OXSR1: variants seen among roughly 807,000 people sequenced by gnomAD.
The protein encoded by OXSR1 is oxidative stress responsive kinase 1.
OXSR1 carries 24 observed loss-of-function variants against 79.8 expected under a neutral mutation model. The observed-to-expected ratio is 0.30, with a 90% CI of 0.22 to 0.42. OXSR1 has a LOEUF of 0.42. Among genes scored for constraint, OXSR1 ranks in the 10% least tolerant of loss-of-function variants. The pLI is 1.00. For synonymous variants in OXSR1, 226 were observed against 209.2 expected (o/e 1.08, Z -0.69); for missense variants, 430 against 618.4 (o/e 0.70, Z 3.23).
intron 10 of OXSR1, 38 bp downstream of exon 10, chr3:38,230,468 A>G (rs747716347): frequency 7.2e-7 from 1 of 1,396,324 alleles, no homozygotes; most frequent in Non-Finnish European, 1.0e-6. Context: ...TGAAGAATTT[A>G]CTTTATTTTT....
At chr3:38,245,948 A>T in intron 12 of OXSR1, 127 bp from the exon 13 acceptor site, 1 of 743,524 alleles carries the variant, frequency 1.3e-6, no homozygotes, top group African/African-American at 1.7e-5. Flanking sequence ...TTCGGAGTAG[A>T]CACAAAACCT....
intron 4 of OXSR1, among the ~76,000 whole-genome samples, chr3:38,213,821 T>C (rs1181683645): frequency 6.6e-6 from 1 of 152,246 alleles, no homozygotes; most frequent in Non-Finnish European, 1.5e-5. Context: ...AGATATTTTA[T>C]GTCAATATAA....
chr3:38,200,477 G>A (rs1199008340), intron 4 of OXSR1, among the ~76,000 whole-genome samples: 3 of 152,074 alleles, frequency 2.0e-5, no homozygotes, highest in African/African-American at 7.2e-5. Context: ...TCTCCTTTCA[G>A]AGTTCTTTTA....
chr3:38,243,505 T>C (rs1703077721), intron 12 of OXSR1, among the ~76,000 whole-genome samples: 1 of 152,202 alleles, frequency 6.6e-6, no homozygotes, highest in South Asian at 2.1e-4. Context: ...GGGCTGGTTT[T>C]CCCTATTCTC....
intron 14 of OXSR1, among the ~76,000 whole-genome samples, chr3:38,248,283 T>C (rs1703184798): frequency 6.6e-6 from 1 of 152,028 alleles, no homozygotes; most frequent in African/African-American, 2.4e-5. Context: ...TCCTGACAGA[T>C]TGCTCAGCAG....
In OXSR1 at chr3:38,237,388, T is replaced by C. The variant is rs950754524; in HGVS notation, c.1074+427T>C. On this transcript the variant is annotated intron_variant, in intron 11 of 17. Transcript: ENST00000311806. ...GATATCTGTCGTGCACACGTGTGTG[T>C]GTTTCCTAAAAACAGTGAAGACAAG... Among the ~76,000 whole-genome samples the C allele has an allele frequency of 2.0e-5, 3 of 152,320 alleles. No individual in the cohort carries two copies. The South Asian group carries it at 6.2e-4, about 32-fold the overall frequency.
chr3:38,201,693 G>C (rs955681910), intron 4 of OXSR1, among the ~76,000 whole-genome samples: 2 of 148,846 alleles, frequency 1.3e-5, no homozygotes, highest in Non-Finnish European at 3.0e-5. Flanking sequence ...TTAGGCGACA[G>C]AGCGAGAGTG....
At position 38,223,902 on chromosome 3, in the gene OXSR1, C is replaced by A; in HGVS notation, c.691C>A (p.Pro231Thr). The stretch of plus-strand genomic sequence containing the variant: ...AGGGGCGGCTCCTTATCATAAATAT[C>A]CACCAATGAAGGTGAGGCTTGTATT... The part of the protein sequence containing the change: ...ATGAAPYHKY[P>T]PMKVLMLTLQ... The change falls in exon 7 of 18, where the codon CCA (proline) becomes ACA (threonine). Residue 231 changes from proline to threonine, a missense_variant. Coordinates refer to ENST00000311806, the MANE Select transcript of OXSR1 (RefSeq NM_005109.3). 2 of 1,594,640 alleles carry A rather than the reference C, an allele frequency of 1.3e-6. No individual in the cohort carries two copies. The highest frequency in any genetic ancestry group is 1.7e-6 in the Non-Finnish European group (2 of 1,165,868).
intron 1 of OXSR1, among the ~76,000 whole-genome samples, chr3:38,173,523 A>G (rs528166174): frequency 3.6e-4 from 55 of 152,304 alleles, no homozygotes; most frequent in African/African-American, 1.3e-3. Context: ...TATCACATGG[A>G]ATTATTGTAA....
Position 38,247,991 on chromosome 3 carries a change from C to T in OXSR1, c.1322+259C>T, listed in dbSNP as rs535599406. Reference sequence around the variant, plus strand: ...AATTGGTGATGAGTTTGTGTATTTACAGTGTAGCTAGTTTGGGTTAGGAGG... The same window carrying T: ...AATTGGTGATGAGTTTGTGTATTTATAGTGTAGCTAGTTTGGGTTAGGAGG... On this transcript the variant is annotated intron_variant, in intron 14 of 17. Transcript: ENST00000311806. Among the ~76,000 whole-genome samples the T allele has an allele frequency of 2.0e-5, 3 of 152,192 alleles. No individual in the cohort carries two copies. The South Asian group carries it at 6.3e-4, about 32-fold the overall frequency.
intron 3 of OXSR1, among the ~76,000 whole-genome samples, chr3:38,197,601 T>C (rs549556730): frequency 6.6e-6 from 1 of 152,352 alleles, no homozygotes; most frequent in South Asian, 2.1e-4. Context: ...CTCTCTTCTG[T>C]TATCTTTCCT....
At chr3:38,214,894 T>C (rs1382286349) in intron 4 of OXSR1, among the ~76,000 whole-genome samples, 2 of 152,248 alleles carry the variant, frequency 1.3e-5, no homozygotes, top group East Asian at 3.9e-4. Context: ...AGGGATAGGA[T>C]GAAGTGCTGC....
At position 38,208,793 on chromosome 3, in the gene OXSR1, T is replaced by C. The variant is rs184992379; in HGVS notation, c.435-7303T>C. 2.8e-3 allele frequency among the ~76,000 whole-genome samples: 424 copies of C among 152,212 alleles called. 1 individual carries two copies. Among genetic ancestry groups the C allele is most frequent in the African/African-American group, 9.7e-3 (404 of 41,508 alleles). ...GGCACGCACCTGTAGTCCCAGCTAC[T>C]TGGGAGGCTAAGGCAGGAGAATGGC... On this transcript the variant is annotated intron_variant, in intron 4 of 17. Transcript: ENST00000311806.
chr3:38,214,772 G>A (rs1022288832), intron 4 of OXSR1, among the ~76,000 whole-genome samples: 1 of 152,198 alleles, frequency 6.6e-6, no homozygotes, highest in African/African-American at 2.4e-5. Flanking sequence ...TGTATACTCA[G>A]GAAAGGCATT....
intron 8 of OXSR1, 34 bp from the exon 9 acceptor site, chr3:38,229,653 T>C (rs745625615): frequency 1.9e-6 from 3 of 1,580,472 alleles, no homozygotes; most frequent in Non-Finnish European, 2.6e-6. Context: ...GAATTAATTA[T>C]AAAAACTTTT....
intron 3 of OXSR1, among the ~76,000 whole-genome samples, chr3:38,197,605 C>A (rs1265349418): frequency 6.6e-6 from 1 of 152,158 alleles, no homozygotes; most frequent in Non-Finnish European, 1.5e-5. Flanking sequence ...CTTCTGTTAT[C>A]TTTCCTGTTC....
intron 11 of OXSR1, 143 bp from the exon 12 acceptor site, chr3:38,242,600 C>G (rs1242074408): frequency 2.1e-6 from 1 of 472,984 alleles, no homozygotes; most frequent in Admixed American, 3.7e-5. Context: ...TTCCAGAAAA[C>G]TTTCAGTAGA....
intron 15 of OXSR1, 103 bp from the exon 16 acceptor site, chr3:38,251,300 C>T (rs1429563719): frequency 1.1e-6 from 1 of 877,298 alleles, no homozygotes; most frequent in East Asian, 2.4e-5. Context: ...ATTTAGCATC[C>T]AGCTTGGGCC....
chr3:38,180,642 CA>C (rs1224262547), intron 1 of OXSR1, among the ~76,000 whole-genome samples: 1 of 151,172 alleles, frequency 6.6e-6, no homozygotes, highest in East Asian at 1.9e-4. Context: ...AATGATCTCC[CA>C]CCTCAGCCTC....
Sources: gnomAD v4.1 joint callset for allele counts (sites outside exome capture counted in the v4.1 genomes callset) on GRCh38, gnomAD v4.1.1 for gene constraint, MANE v1.5 for transcripts, NCBI Gene and HGNC (gene_info 2026-07-23, HGNC 2026-07-21) for gene names.